Variants in PRH1 observed in about 807,000 individuals in gnomAD.
PRH1 encodes the protein proline rich protein HaeIII subfamily 1, also known as salivary acidic proline-rich phosphoprotein 1/2.
A neutral mutation model predicts 7.9 loss-of-function variants in PRH1; 7 were observed. The observed-to-expected ratio is 0.89, with a 90% CI of 0.50 to 1.67. PRH1 has a LOEUF of 1.67. PRH1 is among the 40% of genes most tolerant of loss of function. The pLI is 0.00. For synonymous variants in PRH1, 45 were observed against 80.8 expected, an observed-to-expected ratio of 0.56 and a Z score of 2.38; for missense variants, 109 against 223.6, an observed-to-expected ratio of 0.49 and a Z score of 3.27.
At chr12:10,906,023 G>T (rs1351981622) in intron 2 of PRH1, among the ~76,000 whole-genome samples, 1 of 152,138 alleles carries the variant, frequency 6.6e-6, no homozygotes, top group Non-Finnish European at 1.5e-5. Context: ...CTACAAGAGA[G>T]TTCAGAGAAA....
At chr12:11,121,999 CAT>C (rs1945923193) in intron 1 of PRH1, among the ~76,000 whole-genome samples, 3 of 152,216 alleles carry the variant, frequency 2.0e-5, no homozygotes, top group Admixed American at 2.0e-4. Context: ...AATAAACTAT[CAT>C]ATAATAAACA....
At chr12:10,888,576 T>C (rs1565451818), upstream of PRH1, among the ~76,000 whole-genome samples, 1 of 152,244 alleles carries the variant, frequency 6.6e-6, no homozygotes, top group South Asian at 2.1e-4. Context: ...CCATTGACAC[T>C]TAATGCATTT....
upstream of PRH1, among the ~76,000 whole-genome samples, chr12:10,884,757 C>T (rs1346185171): frequency 6.6e-6 from 1 of 152,100 alleles, no homozygotes; most frequent in Non-Finnish European, 1.5e-5. Flanking sequence ...TTTCATGTAA[C>T]AGAGATGGTC....
In PRH1 at chr12:11,085,596, G is replaced by A. The variant is rs1250696206; in HGVS notation, n.124-38408C>T. Among the ~76,000 whole-genome samples, 8 of 115,528 alleles carry A rather than the reference G, an allele frequency of 6.9e-5. 1 individual carries two copies. Among genetic ancestry groups the A allele is most frequent in the African/African-American group, 1.7e-4 (6 of 34,458 alleles). The allele number at this position is 115,528 out of a possible 152,430, so 75.8% of individuals were successfully genotyped here. A position where few individuals can be genotyped will look rare whatever the true frequency, so the allele number is the denominator to read the frequency against. On this transcript the variant is annotated intron_variant and non_coding_transcript_variant, in intron 1 of 4. Transcript: ENST00000541977. ...GACTAATGTCAAAACGGAAAGCACC[G>A]GGGCATGCTATTGAATGAGTTCAGG... is the stretch of plus-strand genomic sequence containing the variant.
intron 1 of PRH1, among the ~76,000 whole-genome samples, chr12:11,147,225 C>A (rs550818358): frequency 6.6e-6 from 1 of 152,210 alleles, no homozygotes; most frequent in South Asian, 2.1e-4. Context: ...TGTCTCACTC[C>A]AGTTGCCCAG....
At chr12:10,953,037 T>C (rs1223422001) in intron 2 of PRH1, among the ~76,000 whole-genome samples, 1 of 151,060 alleles carries the variant, frequency 6.6e-6, no homozygotes. Context: ...AGAAATCTTT[T>C]CCCCCCTAAA....
chr12:10,908,419 A>T, intron 2 of PRH1: 1 of 1,613,206 alleles, frequency 6.2e-7, no homozygotes, highest in Non-Finnish European at 8.5e-7. Context: ...GCTGCCACCA[A>T]AAGAAAGGCC....
chr12:11,041,190 C>T (rs1246107370), intron 1 of PRH1, among the ~76,000 whole-genome samples: 1 of 123,642 alleles, frequency 8.1e-6, no homozygotes, highest in Non-Finnish European at 1.8e-5. Context: ...CAAAAAAAAA[C>T]TCCAATCTGT....
chr12:11,052,582 G>T (rs548035876), intron 1 of PRH1, among the ~76,000 whole-genome samples: 1 of 152,006 alleles, frequency 6.6e-6, no homozygotes, highest in South Asian at 2.1e-4. Context: ...CATTTCTCTC[G>T]CTCTGTTTTC....
chr12:10,939,772 T>C (rs371040483), intron 2 of PRH1, among the ~76,000 whole-genome samples: 1 of 152,086 alleles, frequency 6.6e-6, no homozygotes, highest in African/African-American at 2.4e-5. Context: ...CTGAGATCTA[T>C]TGAACAGCAT....
In PRH1 at chr12:11,077,635, T is replaced by C. The variant is rs796873094; in HGVS notation, n.124-30447A>G. On this transcript the variant is annotated intron_variant and non_coding_transcript_variant, in intron 1 of 4. Transcript: ENST00000541977. The stretch of plus-strand genomic sequence containing the variant: ...GAGCTGCATCTTCTTGAGATGTTTA[T>C]GCAGAGAACAGATTAACAGCAGAAA... 21 of 763,390 alleles carry C rather than the reference T, an allele frequency of 2.8e-5. No homozygotes were observed. The Admixed American group carries it at 3.7e-4, about 13-fold the overall frequency. The allele number at this position is 763,390 out of a possible 1,614,324, so 47.3% of individuals were successfully genotyped here. A position where few individuals can be genotyped will look rare whatever the true frequency, so the allele number is the denominator to read the frequency against.
chr12:10,965,160 G>A, intron 2 of PRH1: 1 of 1,458,412 alleles, frequency 6.9e-7, no homozygotes, highest in South Asian at 1.1e-5. Flanking sequence ...GCATACCAAT[G>A]TAATAATATT....
intron 1 of PRH1, among the ~76,000 whole-genome samples, chr12:11,007,587 T>C (rs934651389): frequency 2.6e-5 from 4 of 152,166 alleles, no homozygotes; most frequent in Non-Finnish European, 5.9e-5. Flanking sequence ...TATCTTGCAG[T>C]GTCCTCCTGC....
intron 1 of PRH1, among the ~76,000 whole-genome samples, chr12:11,041,175 C>A (rs1195647854): frequency 2.0e-4 from 21 of 103,578 alleles, no homozygotes; most frequent in Non-Finnish European, 4.0e-4. Flanking sequence ...AATGGAAAAA[C>A]AAAACAAAAA....
chr12:11,140,499 T>C (rs892328122), intron 1 of PRH1, among the ~76,000 whole-genome samples: 18 of 152,174 alleles, frequency 1.2e-4, no homozygotes, highest in Middle Eastern at 3.2e-3. Flanking sequence ...GTAATGTTCT[T>C]GTTCCTTTTA....
chr12:11,063,620 G>T (rs1943699432), intron 1 of PRH1, among the ~76,000 whole-genome samples: 1 of 152,098 alleles, frequency 6.6e-6, no homozygotes, highest in South Asian at 2.1e-4. Flanking sequence ...TTCTCTTGCA[G>T]AAAAACATAA....
intron 2 of PRH1, among the ~76,000 whole-genome samples, chr12:10,940,268 T>C (rs1477728205): frequency 6.6e-6 from 1 of 152,224 alleles, no homozygotes; most frequent in East Asian, 1.9e-4. Flanking sequence ...TCTAAATCTT[T>C]TTCTCTTTTC....
At chr12:11,023,821 A>C (rs1591831463) in intron 1 of PRH1, among the ~76,000 whole-genome samples, 1 of 152,218 alleles carries the variant, frequency 6.6e-6, no homozygotes, top group Non-Finnish European at 1.5e-5. Flanking sequence ...GCCATCCACC[A>C]AACCTAGGTT....
At chr12:10,965,307 T>A in intron 2 of PRH1, 2 of 1,338,990 alleles carry the variant, frequency 1.5e-6, no homozygotes, top group Non-Finnish European at 2.1e-6. Context: ...AGAACAAATG[T>A]AACCACTACT....
Sources: allele counts gnomAD v4.1 joint callset (sites outside exome capture counted in the v4.1 genomes callset), GRCh38; gene constraint gnomAD v4.1.1; transcripts MANE v1.5; gene names NCBI Gene and HGNC (gene_info 2026-07-23, HGNC 2026-07-21).